Variants in STXBP5L observed in about 807,000 individuals in gnomAD.
STXBP5L encodes the protein syntaxin binding protein 5L.
In STXBP5L, 65 loss-of-function variants were observed where a neutral mutation model predicts 144.5. That is an observed-to-expected ratio of 0.45 (90% CI 0.37 to 0.55). STXBP5L has a LOEUF of 0.55. Ranked by LOEUF, STXBP5L falls within the 20% of genes least tolerant of loss-of-function variation. The probability of loss-of-function intolerance (pLI) is 0.00; values close to 1 mark genes in which losing one functional copy is unlikely to be tolerated. For synonymous variants in STXBP5L, 505 were observed against 469.6 expected, an observed-to-expected ratio of 1.08 and a Z score of -0.97; for missense variants, 1,298 against 1,405.5, an observed-to-expected ratio of 0.92 and a Z score of 1.22.
At position 121,257,149 on chromosome 3, in the gene STXBP5L, G is replaced by C; in HGVS notation, c.1660-12G>C. On this transcript the variant is annotated splice_polypyrimidine_tract_variant and intron_variant, in intron 16 of 26. Coordinates refer to ENST00000471454, the MANE Select transcript of STXBP5L (RefSeq NM_001308330.2). ...TGTGACTTAAATTAAATTTAAACTT[G>C]ATTTTTTTAAGTCATTAGAGGTACG... 2 of 1,557,012 alleles carry C rather than the reference G, an allele frequency of 1.3e-6. No individual in the cohort carries two copies. Among genetic ancestry groups the C allele is most frequent in the South Asian group, 2.4e-5 (2 of 84,836 alleles).
intron 10 of STXBP5L, among the ~76,000 whole-genome samples, chr3:121,213,119 A>G (rs912031800): frequency 6.6e-6 from 1 of 152,216 alleles, no homozygotes; most frequent in Non-Finnish European, 1.5e-5. Flanking sequence ...GGCTGAGACA[A>G]TGGGGTTTTC....
chr3:121,138,905 G>T (rs949289768), intron 7 of STXBP5L, among the ~76,000 whole-genome samples: 3 of 151,788 alleles, frequency 2.0e-5, no homozygotes, highest in African/African-American at 7.3e-5. Context: ...AGACAAATGA[G>T]ATTATATCAC....
chr3:120,953,700 A>T (rs1303406320), intron 2 of STXBP5L, among the ~76,000 whole-genome samples: 1 of 152,036 alleles, frequency 6.6e-6, no homozygotes, highest in African/African-American at 2.4e-5. Context: ...TATTAGTTCT[A>T]ATAATTTTTT....
chr3:121,187,281 C>T (rs775740182), intron 9 of STXBP5L, among the ~76,000 whole-genome samples: 49 of 151,946 alleles, frequency 3.2e-4, no homozygotes, highest in Non-Finnish European at 5.7e-4. Context: ...AACCATCATT[C>T]TGAGCAAACT....
At chr3:121,278,124 C>G (rs1326295857) in intron 18 of STXBP5L, among the ~76,000 whole-genome samples, 7 of 151,978 alleles carry the variant, frequency 4.6e-5, no homozygotes, top group Non-Finnish European at 1.0e-4. Context: ...GACCATCAAT[C>G]TCTCTTTGAG....
At chr3:121,027,453 C>T (rs1399530872) in intron 3 of STXBP5L, among the ~76,000 whole-genome samples, 1 of 151,982 alleles carries the variant, frequency 6.6e-6, no homozygotes, top group Non-Finnish European at 1.5e-5. Context: ...TGGTTAATAT[C>T]AATGTGTTGG....
intron 3 of STXBP5L, among the ~76,000 whole-genome samples, chr3:120,974,613 T>C (rs1940713213): frequency 6.6e-6 from 1 of 152,238 alleles, no homozygotes. Context: ...ATGAAGTCCT[T>C]GCACATGCCT....
At chr3:121,219,646 G>T (rs2048913998) in intron 10 of STXBP5L, among the ~76,000 whole-genome samples, 1 of 152,042 alleles carries the variant, frequency 6.6e-6, no homozygotes, top group Non-Finnish European at 1.5e-5. Flanking sequence ...AGAATTATTA[G>T]GTGCTCTTAA....
intron 16 of STXBP5L, among the ~76,000 whole-genome samples, chr3:121,255,940 C>G (rs966813668): frequency 2.6e-5 from 4 of 152,128 alleles, no homozygotes; most frequent in Middle Eastern, 3.4e-3. Context: ...ACCTCAACAG[C>G]TAAAATTAAT....
chr3:120,966,010 G>GA (rs1202907621), intron 3 of STXBP5L, among the ~76,000 whole-genome samples: 2 of 151,660 alleles, frequency 1.3e-5, no homozygotes, highest in East Asian at 3.9e-4. Flanking sequence ...CTTCTCCTGT[G>GA]ACTTTATTTC....
intron 5 of STXBP5L, among the ~76,000 whole-genome samples, chr3:121,102,388 A>G (rs1209615593): frequency 6.6e-6 from 1 of 152,176 alleles, no homozygotes; most frequent in Non-Finnish European, 1.5e-5. Flanking sequence ...AACAGAATAG[A>G]GAACCCAGAA....
intron 19 of STXBP5L, among the ~76,000 whole-genome samples, chr3:121,303,290 C>T (rs1212913347): frequency 2.0e-5 from 3 of 152,198 alleles, no homozygotes; most frequent in African/African-American, 4.8e-5. Context: ...CTCATCATCA[C>T]TGGCCATCAG....
rs2049527980 is a variant in STXBP5L at position 121,237,733 on chromosome 3, C to G, written c.1185-1238C>G. 2.6e-5 allele frequency among the ~76,000 whole-genome samples: 4 copies of G among 152,316 alleles called. No individual in the cohort carries two copies. The South Asian group carries it at 8.3e-4, about 32-fold the overall frequency. On this transcript the variant is annotated intron_variant, in intron 12 of 26. Transcript: ENST00000471454. ...GCTGTTAAAAGTAACAATGCCACTT[C>G]TTGAGCACTTTGCTGCTTAGAATTT...
At chr3:121,040,493 C>T (rs1026469201) in intron 3 of STXBP5L, among the ~76,000 whole-genome samples, 1 of 152,088 alleles carries the variant, frequency 6.6e-6, no homozygotes, top group South Asian at 2.1e-4. Flanking sequence ...GATGCTTTTT[C>T]TTCTTGGTTT....
At chr3:121,362,244 TG>T (rs1229181450) in intron 20 of STXBP5L, among the ~76,000 whole-genome samples, 1 of 152,222 alleles carries the variant, frequency 6.6e-6, no homozygotes, top group East Asian at 1.9e-4. Flanking sequence ...CTAAATTTAG[TG>T]TAGCACTGGG....
At chr3:121,361,903 T>C (rs1414645398) in intron 20 of STXBP5L, among the ~76,000 whole-genome samples, 5 of 152,192 alleles carry the variant, frequency 3.3e-5, no homozygotes, top group Non-Finnish European at 7.4e-5. Flanking sequence ...TATCTTAGTC[T>C]TCATGGTTGG....
intron 3 of STXBP5L, among the ~76,000 whole-genome samples, chr3:121,032,062 A>G (rs1305829876): frequency 1.3e-5 from 2 of 152,094 alleles, no homozygotes; most frequent in Non-Finnish European, 2.9e-5. Context: ...ATTTTCTGAA[A>G]TTTGGGGAAG....
At chr3:121,369,485 T>A (rs1017963201) in intron 20 of STXBP5L, among the ~76,000 whole-genome samples, 4 of 152,142 alleles carry the variant, frequency 2.6e-5, no homozygotes, top group African/African-American at 9.7e-5. Flanking sequence ...GAATTCTTTG[T>A]CAGACATTTC....
chr3:121,139,872 G>A (rs1482945393), intron 7 of STXBP5L, among the ~76,000 whole-genome samples: 1 of 151,410 alleles, frequency 6.6e-6, no homozygotes, highest in Non-Finnish European at 1.5e-5. Context: ...AAAGACTTGG[G>A]AAAAAAAGAC....
Sources: gnomAD v4.1 joint callset for allele counts (sites outside exome capture counted in the v4.1 genomes callset) on GRCh38, gnomAD v4.1.1 for gene constraint, MANE v1.5 for transcripts, NCBI Gene and HGNC (gene_info 2026-07-23, HGNC 2026-07-21) for gene names.